Variants in SLC2A3 observed in about 807,000 individuals in gnomAD.
SLC2A3 encodes the protein solute carrier family 2 member 3.
SLC2A3 carries 21 observed loss-of-function variants against 46.4 expected under a neutral mutation model. That is an observed-to-expected ratio of 0.45 (90% CI 0.32 to 0.65). The LOEUF (loss-of-function observed/expected upper bound fraction) is 0.65, where lower values mean the gene tolerates loss of function less well. Ranked by LOEUF, SLC2A3 falls within the 30% of genes least tolerant of loss-of-function variation. SLC2A3 has a pLI of 0.04. For missense variants in SLC2A3, 499 were observed against 623.3 expected (o/e 0.80, Z 2.12); for synonymous variants, 213 against 239.4 (o/e 0.89, Z 1.02).
At chr12:7,931,610 G>C in intron 3 of SLC2A3, 125 bp from the exon 4 acceptor site, 1 of 1,395,446 alleles carries the variant, frequency 7.2e-7, no homozygotes, top group Non-Finnish European at 9.7e-7. Context: ...TCTAACTTTT[G>C]TTTTTCACTT....
At chr12:7,929,984 C>T in intron 5 of SLC2A3, 113 bp from the exon 6 acceptor site, 1 of 1,504,054 alleles carries the variant, frequency 6.6e-7, no homozygotes, top group South Asian at 1.4e-5. Flanking sequence ...GGGTAGCATC[C>T]ATTCCTTTTT....
chr12:7,924,301 G>C, intron 8 of SLC2A3, 109 bp downstream of exon 8: 1 of 1,535,252 alleles, frequency 6.5e-7, no homozygotes, highest in East Asian at 2.3e-5. Context: ...TCTCTCCTCT[G>C]ACTTTATTGA....
chr12:7,935,370 T>C (rs1416168074), intron 1 of SLC2A3, among the ~76,000 whole-genome samples: 1 of 152,094 alleles, frequency 6.6e-6, no homozygotes, highest in African/African-American at 2.4e-5. Flanking sequence ...GAGAATCGCT[T>C]GAACCCGGGA....
At position 7,933,044 on chromosome 12, in the gene SLC2A3, G is replaced by T. The variant is rs1426916385; in HGVS notation, c.212C>A (p.Ser71Tyr). 1 of 1,614,078 alleles carries T rather than the reference G, an allele frequency of 6.2e-7. No individual in the cohort carries two copies. Among genetic ancestry groups the T allele is most frequent in the African/African-American group, 1.3e-5 (1 of 75,010 alleles). Residue 71 changes from serine (S) to tyrosine (Y), a missense_variant, in exon 3 of 10, where the codon TCC becomes TAC. By Grantham distance (144) the Ser-to-Tyr change is moderately radical. Coordinates refer to ENST00000075120, the MANE Select transcript of SLC2A3 (RefSeq NM_006931.3). ...SLWSLSVAIF[S>Y]VGGMIGSFSV... ...AAAGGAGCCGATCATACCCCCGACG[G>T]AAAATATGGCCACAGACAAGGACCA... is the stretch of plus-strand genomic sequence containing the variant.
intron 5 of SLC2A3, 44 bp downstream of exon 5, chr12:7,930,436 C>A (rs1459486762): frequency 2.5e-6 from 4 of 1,582,498 alleles, no homozygotes; most frequent in Admixed American, 3.4e-5. Flanking sequence ...CTAAAACAAA[C>A]CACAACCATA....
chr12:7,933,366 C>G, intron 2 of SLC2A3: 1 of 638,018 alleles, frequency 1.6e-6, no homozygotes, highest in South Asian at 2.0e-5. Context: ...TGTTCACAGT[C>G]TACCCCAGCC....
chr12:7,933,171 A>G (rs755586762), intron 2 of SLC2A3, 24 bp from the exon 3 acceptor site: 11 of 1,612,390 alleles, frequency 6.8e-6, no homozygotes, highest in Middle Eastern at 3.3e-4. Flanking sequence ...GGGTTGGTGG[A>G]AGAACAGACT....
intron 4 of SLC2A3, among the ~76,000 whole-genome samples, chr12:7,930,923 A>C (rs1184034847): frequency 1.3e-5 from 2 of 150,616 alleles, no homozygotes; most frequent in African/African-American, 4.9e-5. Flanking sequence ...CAGCCTCCGG[A>C]GTAGCTGGGA....
Position 7,919,780 on chromosome 12 carries a change from C to G in SLC2A3, c.*1633G>C, listed in dbSNP as rs780575012. On this transcript the variant is annotated 3_prime_UTR_variant, in exon 10 of 10. Coordinates refer to ENST00000075120, the MANE Select transcript of SLC2A3 (RefSeq NM_006931.3). The stretch of plus-strand genomic sequence containing the variant: ...ACAGTGAGAACTAAGAACCAAAATA[C>G]TGTCACTGACAAGGGTTTGGCTAAA... The G allele has an allele frequency of 1.3e-5, 2 of 152,200 alleles. 1 individual carries two copies. Among genetic ancestry groups the G allele is most frequent in the Non-Finnish European group, 2.9e-5 (2 of 68,076 alleles). The allele number at this position is 152,200 out of a possible 1,614,324, so 9.4% of individuals were successfully genotyped here.
chr12:7,932,409 C>A (rs1946165779), intron 3 of SLC2A3, among the ~76,000 whole-genome samples: 1 of 152,088 alleles, frequency 6.6e-6, no homozygotes, highest in African/African-American at 2.4e-5. Flanking sequence ...AACTCCTGAC[C>A]TCAGCTGATC....
chr12:7,930,493 C>T lies in SLC2A3; in HGVS notation c.660G>A (p.Glu220=), dbSNP rs756443597. 70 of 1,613,424 alleles carry T rather than the reference C, an allele frequency of 4.3e-5. 1 individual carries two copies. The highest frequency in any genetic ancestry group is 4.2e-4 in the South Asian group (38 of 91,050). The stretch of plus-strand genomic sequence containing the variant: ...AAGGATACTCACTCTGCTTAGCATT[C>T]TCCTCTTCTTTTCTGTTAATGAGCA... ...RFLLINRKEE[E]NAKQILQRLW... Residue 220 remains glutamate, a synonymous_variant, in exon 5 of 10, where the codon GAG becomes GAA. Transcript: ENST00000075120.
At chr12:7,932,922 C>A (rs1182080224) in intron 3 of SLC2A3, 65 bp downstream of exon 3, 20 of 1,591,786 alleles carry the variant, frequency 1.3e-5, no homozygotes, top group Non-Finnish European at 1.7e-5. Context: ...CCTGCCCTAA[C>A]TCTCCACACT....
rs1946030551 is a variant in SLC2A3, at chr12:7,920,923, A to G, written c.*490T>C. The G allele has an allele frequency of 6.0e-6, 1 of 167,398 alleles. No individual in the cohort carries two copies. The highest frequency in any genetic ancestry group is 2.4e-5 in the African/African-American group (1 of 41,918). 10.4% of individuals were successfully genotyped at this position (167,398 alleles called of 1,614,324 possible). On this transcript the variant is annotated 3_prime_UTR_variant, in exon 10 of 10. Coordinates refer to ENST00000075120, the MANE Select transcript of SLC2A3 (RefSeq NM_006931.3). ...GTTAAAAAAAAAAAATTATGTAATT[A>G]AACCAGAGGATAAAATAAATAAAAC...
chr12:7,931,653 G>A (rs895552347), intron 3 of SLC2A3, among the ~76,000 whole-genome samples, 168 bp from the exon 4 acceptor site: 1 of 151,888 alleles, frequency 6.6e-6, no homozygotes, highest in African/African-American at 2.4e-5. Context: ...TTGGGAACCA[G>A]GTGTGATGGT....
At chr12:7,926,303 C>G (rs762523983) in intron 6 of SLC2A3, among the ~76,000 whole-genome samples, 1 of 152,154 alleles carries the variant, frequency 6.6e-6, no homozygotes, top group Non-Finnish European at 1.5e-5. Flanking sequence ...GTTGGCCAGG[C>G]TGGTCTCGTA....
chr12:7,922,750 A>G, intron 9 of SLC2A3, 71 bp downstream of exon 9: 1 of 1,594,130 alleles, frequency 6.3e-7, no homozygotes, highest in South Asian at 1.1e-5. Flanking sequence ...GGCCCAGACT[A>G]CTGTATTATT....
In SLC2A3 at chr12:7,926,613, C is replaced by T. The variant is rs557480013; in HGVS notation, c.862-665G>A. 2.7e-3 allele frequency among the ~76,000 whole-genome samples: 416 copies of T among 152,260 alleles called. 2 individuals are homozygous for T. The highest frequency in any genetic ancestry group is 4.5e-3 in the Non-Finnish European group (306 of 68,008). On this transcript the variant is annotated intron_variant, in intron 6 of 9. Transcript: ENST00000075120. ...TCTTGGTCTCAAGTGATCCTCCTGC[C>T]TCTCAGCCTCCCAAGTTGCTGGGAT... is the stretch of plus-strand genomic sequence containing the variant.
chr12:7,931,330 A>G lies in SLC2A3; in HGVS notation c.425T>C (p.Ile142Thr). 6.2e-7 allele frequency: 1 copy of G among 1,614,018 alleles called. No homozygotes were observed. The highest frequency in any genetic ancestry group is 2.2e-5 in the East Asian group (1 of 44,854). The change falls in exon 4 of 10, where the codon ATT becomes ACT. Residue 142 changes from isoleucine to threonine, a missense_variant. Around this residue, in one of 5 missense-constraint regions of SLC2A3, gnomAD observed 248 missense variants for 284.0 expected, o/e 0.87. Coordinates refer to ENST00000075120, the MANE Select transcript of SLC2A3 (RefSeq NM_006931.3). ...GLCTGFVPMY[I>T]GEISPTALRG... ...CAGGGCAGTAGGCGAGATCTCTCCA[A>G]TGTACATGGGCACAAAACCTGTGCA...
chr12:7,935,808 G>A (rs997851049), intron 1 of SLC2A3, among the ~76,000 whole-genome samples: 2 of 152,094 alleles, frequency 1.3e-5, no homozygotes, highest in Non-Finnish European at 2.9e-5. Context: ...CAACTTCTCC[G>A]GGTGACTTTC....
Sources: gnomAD v4.1 joint callset for allele counts (sites outside exome capture counted in the v4.1 genomes callset) on GRCh38, gnomAD v4.1.1 for gene constraint, gnomAD v4.1.1 regional missense constraint, MANE v1.5 for transcripts, NCBI Gene and HGNC (gene_info 2026-07-23, HGNC 2026-07-21) for gene names.